SPECC1L: variants seen among roughly 807,000 people sequenced by gnomAD.
The protein encoded by SPECC1L is cytospin-A.
In SPECC1L, 40 loss-of-function variants were observed where a neutral mutation model predicts 116.8. The ratio of observed to expected loss-of-function variants is 0.34; its 90% CI spans 0.27 to 0.45. The LOEUF (loss-of-function observed/expected upper bound fraction) is 0.45, where lower values mean the gene tolerates loss of function less well. SPECC1L is among the 20% of genes least tolerant of loss of function. The pLI is 1.00. For synonymous variants in SPECC1L, 504 were observed against 500.6 expected (o/e 1.01, Z -0.09); for missense variants, 1,110 against 1,373.6 (o/e 0.81, Z 3.03).
At chr22:24,380,937 CTAA>C (rs923837001) in intron 14 of SPECC1L, among the ~76,000 whole-genome samples, 3 of 152,064 alleles carry the variant, frequency 2.0e-5, no homozygotes, top group Non-Finnish European at 4.4e-5. Context: ...AGGGCTAACT[CTAA>C]TAATTTTTAA....
At chr22:24,305,815 C>T (rs1286210002) in intron 3 of SPECC1L, among the ~76,000 whole-genome samples, 1 of 152,160 alleles carries the variant, frequency 6.6e-6, no homozygotes, top group African/African-American at 2.4e-5. Context: ...TTCTCCTGTA[C>T]TTAAATTGTT....
At chr22:24,347,250 A>G in intron 11 of SPECC1L, 74 bp downstream of exon 11, 1 of 1,138,716 alleles carries the variant, frequency 8.8e-7, no homozygotes, top group Non-Finnish European at 1.3e-6. Context: ...GGCAAACTAA[A>G]TATTTTCTTT....
chr22:24,292,593 T>C (rs397843144), intron 2 of SPECC1L, among the ~76,000 whole-genome samples: 2 of 152,166 alleles, frequency 1.3e-5, no homozygotes, highest in East Asian at 1.9e-4. Context: ...GAGCTTGAAC[T>C]CAGGTCTCTT....
chr22:24,320,726 A>G (rs1333292009), intron 4 of SPECC1L, among the ~76,000 whole-genome samples: 1 of 152,234 alleles, frequency 6.6e-6, no homozygotes, highest in Non-Finnish European at 1.5e-5. Context: ...GTTATTATTT[A>G]TGTGGCATTT....
intron 2 of SPECC1L, among the ~76,000 whole-genome samples, chr22:24,278,754 A>G (rs2146329619): frequency 6.6e-6 from 1 of 152,338 alleles, no homozygotes; most frequent in East Asian, 1.9e-4. Flanking sequence ...TAAAGATGAA[A>G]TTACTCTAAA....
intron 3 of SPECC1L, among the ~76,000 whole-genome samples, 190 bp from the exon 4 acceptor site, chr22:24,313,123 G>A (rs924579051): frequency 3.3e-5 from 5 of 152,170 alleles, no homozygotes; most frequent in African/African-American, 4.8e-5. Context: ...AAAGAAGTAC[G>A]TGATTGTTTA....
chr22:24,334,980 A>G (rs145701222), intron 9 of SPECC1L, among the ~76,000 whole-genome samples: 1 of 152,314 alleles, frequency 6.6e-6, no homozygotes, highest in East Asian at 1.9e-4. Flanking sequence ...TCTGAAGTCC[A>G]AAAACCAAAC....
At chr22:24,390,660 T>A (rs1300023237) in intron 14 of SPECC1L, among the ~76,000 whole-genome samples, 1 of 152,054 alleles carries the variant, frequency 6.6e-6, no homozygotes, top group African/African-American at 2.4e-5. Flanking sequence ...CCATTCTTTA[T>A]GTGGACTGTG....
chr22:24,319,990 G>A (rs1013202655), intron 4 of SPECC1L, among the ~76,000 whole-genome samples: 8 of 152,206 alleles, frequency 5.3e-5, no homozygotes, highest in African/African-American at 1.7e-4. Flanking sequence ...GGTGGCTCAC[G>A]CCTGTAAATT....
intron 3 of SPECC1L, among the ~76,000 whole-genome samples, chr22:24,311,770 A>G (rs374115232): frequency 1.4e-3 from 199 of 143,006 alleles, no homozygotes; most frequent in African/African-American, 5.0e-3. Flanking sequence ...ATGCCAGTGC[A>G]CTCCAGCCTC....
intron 9 of SPECC1L, among the ~76,000 whole-genome samples, chr22:24,336,412 G>A (rs2041057838): frequency 6.6e-6 from 1 of 152,024 alleles, no homozygotes; most frequent in African/African-American, 2.4e-5. Context: ...CCACCTCTGG[G>A]TAATATGATG....
chr22:24,340,736 G>A (rs1230358171), intron 10 of SPECC1L, among the ~76,000 whole-genome samples: 1 of 152,038 alleles, frequency 6.6e-6, no homozygotes, highest in African/African-American at 2.4e-5. Flanking sequence ...AAACCTAATC[G>A]TATATAAAAA....
rs1362602673 is a variant in SPECC1L at position 24,417,387 on chromosome 22, G to T, written c.*2764G>T. On this transcript the variant is annotated 3_prime_UTR_variant, in exon 17 of 17. Coordinates refer to ENST00000314328, the MANE Select transcript of SPECC1L (RefSeq NM_015330.6). Reference sequence around the variant, plus strand: ...AGCCAGCCTGTGGCCCTACCCCAAGGCGCACTTCCTCATGTGGGCAGATCC... The same window carrying T: ...AGCCAGCCTGTGGCCCTACCCCAAGTCGCACTTCCTCATGTGGGCAGATCC... 6.6e-6 allele frequency: 1 copy of T among 152,358 alleles called. No individual in the cohort carries two copies. The highest frequency in any genetic ancestry group is 1.5e-5 in the Non-Finnish European group (1 of 68,048). The allele number at this position is 152,358 out of a possible 1,614,324, so 9.4% of individuals were successfully genotyped here. A position where few individuals can be genotyped will look rare whatever the true frequency, so the allele number is the denominator to read the frequency against.
chr22:24,319,998 A>G (rs2040688844), intron 4 of SPECC1L, among the ~76,000 whole-genome samples: 1 of 152,138 alleles, frequency 6.6e-6, no homozygotes, highest in Non-Finnish European at 1.5e-5. Flanking sequence ...ACGCCTGTAA[A>G]TTCAGTGGCT....
Position 24,373,224 on chromosome 22 carries a change from C to T in SPECC1L, c.3087+3904C>T, listed in dbSNP as rs62233971. 7.8e-3 allele frequency among the ~76,000 whole-genome samples: 1,182 copies of T among 152,246 alleles called. 9 individuals carry two copies. Among genetic ancestry groups the T allele is most frequent in the South Asian group, 0.024 (117 of 4,828 alleles). ...CCCAAGGTAATTTATAGATTCAGTGCCATCCCCATCAAGCTACCAATGACT... is the reference window on the plus strand; with the variant it reads ...CCCAAGGTAATTTATAGATTCAGTGTCATCCCCATCAAGCTACCAATGACT... On this transcript the variant is annotated intron_variant, in intron 14 of 16. Coordinates refer to ENST00000314328, the MANE Select transcript of SPECC1L (RefSeq NM_015330.6).
At chr22:24,391,812 GTTCC>G (rs531877710) in intron 14 of SPECC1L, among the ~76,000 whole-genome samples, 176 of 152,236 alleles carry the variant, frequency 1.2e-3, no homozygotes, top group African/African-American at 4.0e-3. Flanking sequence ...TCAAGGTTTT[GTTCC>G]TTTTTCTTGC....
intron 2 of SPECC1L, among the ~76,000 whole-genome samples, chr22:24,290,755 C>G (rs1490933659): frequency 3.3e-5 from 5 of 152,182 alleles, no homozygotes; most frequent in Non-Finnish European, 5.9e-5. Flanking sequence ...CACTCCAAGT[C>G]TTTAAAATGT....
intron 14 of SPECC1L, among the ~76,000 whole-genome samples, chr22:24,380,257 T>C (rs1055072928): frequency 6.6e-6 from 1 of 152,238 alleles, no homozygotes; most frequent in Non-Finnish European, 1.5e-5. Flanking sequence ...CCAGTGCCCT[T>C]TGCCTGTCTA....
chr22:24,309,608 C>T (rs1172226364), intron 3 of SPECC1L, among the ~76,000 whole-genome samples: 10 of 152,090 alleles, frequency 6.6e-5, no homozygotes, highest in Non-Finnish European at 1.2e-4. Flanking sequence ...ACCATGTTGG[C>T]CAGGCTGGTC....
Sources: gnomAD v4.1 joint callset for allele counts (sites outside exome capture counted in the v4.1 genomes callset) on GRCh38, gnomAD v4.1.1 for gene constraint, MANE v1.5 for transcripts, NCBI Gene and HGNC (gene_info 2026-07-23, HGNC 2026-07-21) for gene names.